The following RORA variants were observed in gnomAD, a reference collection of about 807,000 sequenced individuals.
The protein encoded by RORA is RAR related orphan receptor A, also known as nuclear receptor ROR-alpha.
RORA carries 7 observed loss-of-function variants against 69.5 expected under a neutral mutation model. That is an observed-to-expected ratio of 0.10 (90% CI 0.06 to 0.19). The LOEUF (loss-of-function observed/expected upper bound fraction) is 0.19. RORA is among the 10% of genes least tolerant of loss of function. The pLI is 1.00. For synonymous variants in RORA, 261 were observed against 240.8 expected (o/e 1.08, Z -0.78); for missense variants, 457 against 663.0 (o/e 0.69, Z 3.41).
At chr15:61,166,032 G>A (rs958329455) in intron 1 of RORA, among the ~76,000 whole-genome samples, 2 of 152,220 alleles carry the variant, frequency 1.3e-5, no homozygotes, top group African/African-American at 2.4e-5. Context: ...CTTAATGCAT[G>A]CAGGGCTGCC....
chr15:60,637,442 A>G (rs1287656771), intron 2 of RORA, among the ~76,000 whole-genome samples: 4 of 152,098 alleles, frequency 2.6e-5, no homozygotes, highest in African/African-American at 7.2e-5. Context: ...ATTTTTCTCT[A>G]TATTTCAATG....
chr15:61,128,941 A>T lies in RORA; in HGVS notation c.166+100112T>A, dbSNP rs575430156. Among the ~76,000 whole-genome samples, 1 of 152,290 alleles carries T rather than the reference A, an allele frequency of 6.6e-6. No individual in the cohort carries two copies. The highest frequency in any genetic ancestry group is 2.4e-5 in the African/African-American group (1 of 41,554). The stretch of plus-strand genomic sequence containing the variant: ...GGCACCACGTGCCTGCCTTGGGCCC[A>T]CTCCCTTCTACGAGTGCCCTTAACC... On this transcript the variant is annotated intron_variant, in intron 1 of 10. Coordinates refer to ENST00000335670, the MANE Select transcript of RORA (RefSeq NM_134261.3). The surrounding 1 kb of genome is among the most constrained non-coding windows in gnomAD (Gnocchi z 4.5).
intron 1 of RORA, among the ~76,000 whole-genome samples, chr15:61,027,102 G>A (rs1895857864): frequency 6.6e-6 from 1 of 152,020 alleles, no homozygotes; most frequent in African/African-American, 2.4e-5. Flanking sequence ...AAGCCTGTTT[G>A]TTTATGTCTC....
At chr15:60,750,693 T>A (rs2071711707) in intron 1 of RORA, among the ~76,000 whole-genome samples, 1 of 152,250 alleles carries the variant, frequency 6.6e-6, no homozygotes, top group Non-Finnish European at 1.5e-5. Context: ...ATCTATTCCC[T>A]TTTGTGATCA....
chr15:60,863,807 CTTTT>C (rs71122881), intron 1 of RORA, among the ~76,000 whole-genome samples: 345 of 135,042 alleles, frequency 2.6e-3, no homozygotes, highest in East Asian at 6.0e-3. Flanking sequence ...CTGTCAGAAT[CTTTT>C]TTTTTTTTTT....
intron 1 of RORA, among the ~76,000 whole-genome samples, chr15:61,040,709 G>C (rs779775088): frequency 6.6e-6 from 1 of 151,942 alleles, no homozygotes; most frequent in African/African-American, 2.4e-5. Context: ...AATATTCATC[G>C]AATAAATAAA....
chr15:61,218,171 ATGTTTG>A lies in RORA; in HGVS notation c.166+10876_166+10881del, dbSNP rs1234327853. ...GTGAAGGGTAAATATTTTACATGAA[ATGTTTG>A]TGTGTGTGTGTGTGTGTGTGTGTGT... On this transcript the variant is annotated intron_variant, in intron 1 of 10. Transcript: ENST00000335670. Among the ~76,000 whole-genome samples, 37 of 111,046 alleles carry A rather than the reference ATGTTTG, an allele frequency of 3.3e-4. No homozygotes were observed. In the South Asian group the frequency reaches 0.01, roughly 30 times the overall value. 72.9% of individuals were successfully genotyped at this position (111,046 alleles called of 152,430 possible).
intron 2 of RORA, among the ~76,000 whole-genome samples, chr15:60,618,613 G>A (rs1412663354): frequency 6.6e-6 from 1 of 152,140 alleles, no homozygotes. Context: ...AGCTTTATAA[G>A]AGGCAGGATA....
intron 1 of RORA, among the ~76,000 whole-genome samples, chr15:60,990,301 ATTTTC>A (rs1264380794): frequency 6.6e-6 from 1 of 152,112 alleles, no homozygotes; most frequent in Non-Finnish European, 1.5e-5. Flanking sequence ...CTTTTGTGTG[ATTTTC>A]TTTTCTTATT....
chr15:60,718,002 T>A (rs944775066), intron 1 of RORA, among the ~76,000 whole-genome samples: 21 of 152,010 alleles, frequency 1.4e-4, no homozygotes, highest in African/African-American at 4.8e-4. Context: ...TTTCACCATG[T>A]TGGCCAGGCT....
chr15:60,716,512 T>C (rs1012299498), intron 1 of RORA, among the ~76,000 whole-genome samples: 2 of 152,204 alleles, frequency 1.3e-5, no homozygotes, highest in African/African-American at 2.4e-5. Context: ...GCTAAGATAC[T>C]GTGGTGTGAT....
At chr15:61,003,707 T>C (rs1056451121) in intron 1 of RORA, among the ~76,000 whole-genome samples, 1 of 152,168 alleles carries the variant, frequency 6.6e-6, no homozygotes, top group African/African-American at 2.4e-5. Flanking sequence ...AACAAAAAGC[T>C]AGCCATGGGT....
intron 1 of RORA, among the ~76,000 whole-genome samples, chr15:61,165,637 G>A (rs2079534476): frequency 6.6e-6 from 1 of 152,192 alleles, no homozygotes; most frequent in Non-Finnish European, 1.5e-5. Flanking sequence ...TGGGGAACCT[G>A]AGGGTTCTGT....
chr15:60,907,387 T>A (rs1328881658), intron 1 of RORA, among the ~76,000 whole-genome samples: 2 of 151,902 alleles, frequency 1.3e-5, no homozygotes, highest in Non-Finnish European at 2.9e-5. Flanking sequence ...GTAAGAGGAG[T>A]CAGGAGTCAG....
intron 1 of RORA, among the ~76,000 whole-genome samples, chr15:61,070,318 C>T (rs949847450): frequency 6.6e-6 from 1 of 152,220 alleles, no homozygotes; most frequent in African/African-American, 2.4e-5. Context: ...TCTAGCAAAG[C>T]CACTCATCCG....
chr15:60,961,429 C>A (rs1413622011), intron 1 of RORA, among the ~76,000 whole-genome samples: 1 of 151,986 alleles, frequency 6.6e-6, no homozygotes. Flanking sequence ...CCAAGATTCA[C>A]AAAGATAAAA....
chr15:61,052,492 TG>T (rs2078028633), intron 1 of RORA, among the ~76,000 whole-genome samples: 2 of 152,234 alleles, frequency 1.3e-5, no homozygotes, highest in African/African-American at 4.8e-5. Flanking sequence ...TATGGCTATG[TG>T]TTTTCCGTAA....
intron 1 of RORA, among the ~76,000 whole-genome samples, chr15:60,700,573 A>G (rs2070967802): frequency 1.3e-5 from 2 of 152,220 alleles, no homozygotes; most frequent in African/African-American, 2.4e-5. Flanking sequence ...TCAAAGCAAG[A>G]AAGAAGTCAG....
intron 1 of RORA, among the ~76,000 whole-genome samples, chr15:60,938,695 G>A (rs1037552060): frequency 5.3e-5 from 8 of 152,054 alleles, no homozygotes; most frequent in Non-Finnish European, 1.2e-4. Flanking sequence ...GAGGCCAGGA[G>A]TCTGACACCA....
Sources: gnomAD v4.1 joint callset for allele counts (sites outside exome capture counted in the v4.1 genomes callset) on GRCh38, gnomAD v4.1.1 for gene constraint, Gnocchi (gnomAD v3.1) non-coding constraint, MANE v1.5 for transcripts, NCBI Gene and HGNC (gene_info 2026-07-23, HGNC 2026-07-21) for gene names.